The following EPG5 variants were observed in gnomAD, a reference collection of about 807,000 sequenced individuals.
The protein encoded by EPG5 is ectopic P granules protein 5 homolog.
Under a neutral mutation model 302.7 loss-of-function variants are expected in EPG5, and 159 were observed. The ratio of observed to expected loss-of-function variants is 0.53; its 90% CI spans 0.46 to 0.60. The LOEUF is 0.60. EPG5 is among the 20% of genes least tolerant of loss of function. EPG5 has a pLI of 0.00. For missense variants in EPG5, 2,896 were observed against 3,092.4 expected (o/e 0.94, Z 1.51); for synonymous variants, 1,158 against 1,136.8 (o/e 1.02, Z -0.37).
rs1165142485 is a variant in EPG5, at chr18:45,847,863, T to C, written c.*4604A>G. The C allele has an allele frequency of 1.3e-5, 2 of 152,570 alleles. No individual in the cohort carries two copies. The highest frequency in any genetic ancestry group is 2.4e-5 in the African/African-American group (1 of 41,438). 9.5% of individuals were successfully genotyped at this position (152,570 alleles called of 1,614,324 possible). A position where few individuals can be genotyped will look rare whatever the true frequency, so the allele number is the denominator to read the frequency against. On this transcript the variant is annotated 3_prime_UTR_variant, in exon 44 of 44. Transcript: ENST00000282041. ...TCTCCACATAAGTGATTTTAAACTA[T>C]TGAAAGAAAAATAAATTCTATCAGT...
At chr18:45,871,596 G>A (rs2048872756) in intron 35 of EPG5, among the ~76,000 whole-genome samples, 1 of 152,208 alleles carries the variant, frequency 6.6e-6, no homozygotes, top group Non-Finnish European at 1.5e-5. Context: ...ATACCAGTCT[G>A]CCTTAGAAGA....
chr18:45,939,607 C>A lies in EPG5; in HGVS notation c.2092G>T (p.Ala698Ser). Residue 698 changes from alanine (A) to serine (S), a missense_variant, in exon 10 of 44, where the codon GCC becomes TCC. By Grantham distance (99) the Ala-to-Ser change is moderately conservative (BLOSUM62 1). Around this residue, in one of 5 missense-constraint regions of EPG5, gnomAD observed 1,390 missense variants for 1,430.0 expected, o/e 0.97. Coordinates refer to ENST00000282041, the MANE Select transcript of EPG5 (RefSeq NM_020964.3). ...FLRAVLHVLKAKRLGIWLFMS... is the reference protein window; with the variant it reads ...FLRAVLHVLKSKRLGIWLFMS... ...ATCATATGTCTTACTTACCTTTTGG[C>A]CTTCAGCACATGTAGGACAGCCCTC... 1 of 1,613,934 alleles carries A rather than the reference C, an allele frequency of 6.2e-7. No homozygotes were observed. The highest frequency in any genetic ancestry group is 8.5e-7 in the Non-Finnish European group (1 of 1,179,936).
intron 27 of EPG5, among the ~76,000 whole-genome samples, chr18:45,892,961 T>C (rs2049384784): frequency 6.6e-6 from 1 of 152,138 alleles, no homozygotes; most frequent in African/African-American, 2.4e-5. Context: ...AATTCTCTAA[T>C]CACTGAAAAA....
chr18:45,934,674 AT>A, intron 11 of EPG5, 134 bp downstream of exon 11: 1 of 1,007,288 alleles, frequency 9.9e-7, no homozygotes, highest in Non-Finnish European at 1.4e-6. Context: ...AGTCTCCTGA[AT>A]TTCAAAATCA....
At position 45,937,320 on chromosome 18, in the gene EPG5, T is replaced by TTATA. The variant is rs61109408; in HGVS notation, c.2099+2276_2099+2279dup. 1.4e-3 allele frequency among the ~76,000 whole-genome samples: 193 copies of TTATA among 140,314 alleles called. 1 individual carries two copies. Among genetic ancestry groups the TTATA allele is most frequent in the Admixed American group, 6.0e-3 (85 of 14,160 alleles). 92.1% of individuals were successfully genotyped at this position (140,314 alleles called of 152,430 possible). Reference sequence around the variant, plus strand: ...TACACGTATATATTTATATAGGTATTTATATATATATACACATATATATAG... The same window carrying TTATA: ...TACACGTATATATTTATATAGGTATTTATATATATATATATACACATATATATAG... On this transcript the variant is annotated intron_variant, in intron 10 of 43. Transcript: ENST00000282041.
In EPG5 at chr18:45,866,963, T is replaced by A. The variant is rs760372673; in HGVS notation, c.6456A>T (p.Ser2152=). ...LSLLGQTSSL[S]WHLVDIVSYQ... is the part of the protein sequence containing the mutation. ...ACGACACAATATCCACAAGATGCCATGAAAGTGAGCTTGTCTGTCCAAGGA... is the reference window on the plus strand; with the variant it reads ...ACGACACAATATCCACAAGATGCCAAGAAAGTGAGCTTGTCTGTCCAAGGA... Residue 2152 remains serine, a synonymous_variant, in exon 38 of 44, where the codon TCA becomes TCT. Coordinates refer to ENST00000282041, the MANE Select transcript of EPG5 (RefSeq NM_020964.3). 6.2e-7 allele frequency: 1 copy of A among 1,614,044 alleles called. No homozygotes were observed. The highest frequency in any genetic ancestry group is 1.1e-5 in the South Asian group (1 of 91,088).
intron 19 of EPG5, among the ~76,000 whole-genome samples, 161 bp from the exon 20 acceptor site, chr18:45,915,782 T>C (rs950761723): frequency 1.1e-4 from 16 of 152,222 alleles, no homozygotes; most frequent in Non-Finnish European, 2.4e-4. Flanking sequence ...AGGCAGAGCA[T>C]TACAGCCAAA....
chr18:45,908,572 A>C (rs970779355), intron 23 of EPG5, among the ~76,000 whole-genome samples: 18 of 152,200 alleles, frequency 1.2e-4, no homozygotes, highest in African/African-American at 4.3e-4. Flanking sequence ...ACCATCTCCC[A>C]CCTCAGAGAA....
chr18:45,922,692 C>T, intron 15 of EPG5, 92 bp from the exon 16 acceptor site: 1 of 1,424,760 alleles, frequency 7.0e-7, no homozygotes, highest in Non-Finnish European at 9.6e-7. Flanking sequence ...CCAACAATGC[C>T]CTCAACGCAG....
chr18:45,873,209 C>T (rs2048906721), intron 35 of EPG5, among the ~76,000 whole-genome samples: 1 of 152,140 alleles, frequency 6.6e-6, no homozygotes, highest in African/African-American at 2.4e-5. Context: ...GTGCTTTCCC[C>T]TATACTAAGA....
At chr18:45,950,623 T>C (rs1239334996) in intron 4 of EPG5, among the ~76,000 whole-genome samples, 1 of 152,182 alleles carries the variant, frequency 6.6e-6, no homozygotes, top group Non-Finnish European at 1.5e-5. Context: ...ACTAATACAT[T>C]TGGGGCTGAA....
At chr18:45,855,819 GA>G (rs1161792123) in intron 42 of EPG5, 132 bp from the exon 43 acceptor site, 12 of 628,504 alleles carry the variant, frequency 1.9e-5, no homozygotes, top group African/African-American at 1.7e-4. Flanking sequence ...ACCTTCTCAG[GA>G]AAATCTTAAA....
chr18:45,833,873 G>C, the EPG5 span, among the ~76,000 whole-genome samples: 4 of 152,114 alleles, frequency 2.6e-5, no homozygotes, highest in Non-Finnish European at 4.4e-5. Flanking sequence ...ATGCTGTATT[G>C]ATACAGAGGT....
the EPG5 span, chr18:45,836,887 G>C: frequency 3.4e-6 from 2 of 589,004 alleles, no homozygotes; most frequent in Non-Finnish European, 6.2e-6. Flanking sequence ...CCAGCCTCTA[G>C]TGCACTAGAA....
At chr18:45,901,356 G>T (rs2049613363) in intron 25 of EPG5, among the ~76,000 whole-genome samples, 189 bp from the exon 26 acceptor site, 1 of 152,058 alleles carries the variant, frequency 6.6e-6, no homozygotes, top group African/African-American at 2.4e-5. Flanking sequence ...AACAAGTTTG[G>T]ACTTGATATT....
At chr18:45,937,316 G>T (rs932235007) in intron 10 of EPG5, among the ~76,000 whole-genome samples, 5 of 126,590 alleles carry the variant, frequency 3.9e-5, no homozygotes, top group Non-Finnish European at 8.5e-5. Flanking sequence ...ATTTATATAG[G>T]TATTTATATA....
intron 27 of EPG5, 49 bp from the exon 28 acceptor site, chr18:45,889,989 T>C: frequency 6.7e-7 from 1 of 1,491,592 alleles, no homozygotes; most frequent in Non-Finnish European, 9.0e-7. Flanking sequence ...ATGTGTCAGG[T>C]TTCCCATGAA....
the EPG5 span, among the ~76,000 whole-genome samples, chr18:45,818,387 C>A: frequency 6.6e-6 from 1 of 151,970 alleles, no homozygotes; most frequent in Non-Finnish European, 1.5e-5. Context: ...ACATTTGCAA[C>A]CTTGATTGAT....
intron 1 of EPG5, among the ~76,000 whole-genome samples, chr18:45,960,352 G>A (rs2051122541): frequency 6.6e-6 from 1 of 152,134 alleles, no homozygotes; most frequent in Admixed American, 6.5e-5. Flanking sequence ...ACAGCATACT[G>A]CAGACCTGAA....
Sources: allele counts gnomAD v4.1 joint callset (sites outside exome capture counted in the v4.1 genomes callset), GRCh38; gene constraint gnomAD v4.1.1; regional missense constraint gnomAD v4.1.1; transcripts MANE v1.5; gene names NCBI Gene and HGNC (gene_info 2026-07-23, HGNC 2026-07-21).